ANKRD30A: variants seen among roughly 807,000 people sequenced by gnomAD.
ANKRD30A encodes ankyrin repeat domain 30A, also known as ankyrin repeat domain-containing protein 30A.
A neutral mutation model predicts 166.3 loss-of-function variants in ANKRD30A; 170 were observed. The observed-to-expected ratio is 1.02, with a 90% CI of 0.90 to 1.16. The LOEUF is 1.16. Ranked by LOEUF, ANKRD30A falls within the 50% of genes most tolerant of loss-of-function variation. ANKRD30A has a pLI of 0.00. For missense variants in ANKRD30A, 1,630 were observed against 1,518.0 expected, an observed-to-expected ratio of 1.07 and a Z score of -1.23; for synonymous variants, 564 against 508.9, an observed-to-expected ratio of 1.11 and a Z score of -1.46.
At chr10:37,194,351 G>C (rs1436317892) in intron 27 of ANKRD30A, among the ~76,000 whole-genome samples, 1 of 151,302 alleles carries the variant, frequency 6.6e-6, no homozygotes, top group South Asian at 2.1e-4. Context: ...CAGTTTTTTT[G>C]TTTTGTTTTG....
Position 37,219,197 on chromosome 10 carries a change from C to A in ANKRD30A, c.3485C>A (p.Ser1162Tyr). The A allele has an allele frequency of 6.2e-7, 1 of 1,610,642 alleles. No homozygotes were observed. Among genetic ancestry groups the A allele is most frequent in the Non-Finnish European group, 8.5e-7 (1 of 1,177,632 alleles). Residue 1162 changes from serine (S) to tyrosine (Y), a missense_variant, in exon 34 of 36, where the codon TCT becomes TAT. Around this residue, in one of 4 missense-constraint regions of ANKRD30A, gnomAD observed 712 missense variants for 629.3 expected, o/e 1.13. Transcript: ENST00000361713. The stretch of plus-strand genomic sequence containing the variant: ...GAGGAATCATTAACTAAAAGGGCAT[C>A]TCAATATAGTGGGCAGCTTAAAGTT... ...LKEESLTKRA[S>Y]QYSGQLKVLI... is the part of the protein sequence containing the mutation.
At chr10:37,221,928 T>C (rs1006679542) in intron 34 of ANKRD30A, among the ~76,000 whole-genome samples, 1 of 151,404 alleles carries the variant, frequency 6.6e-6, no homozygotes, top group Non-Finnish European at 1.5e-5. Flanking sequence ...TAGGTTAATA[T>C]ACACAGTATT....
chr10:37,141,860 G>A lies in ANKRD30A; in HGVS notation c.963G>A (p.Val321=), dbSNP rs2132533067. The change falls in exon 7 of 36, where the codon GTG becomes GTA. Residue 321 remains valine, a synonymous_variant. Coordinates refer to ENST00000361713, the MANE Select transcript of ANKRD30A (RefSeq NM_052997.3). ...CACCTGACACGGCTGAAAGCTTGGT[G>A]GAAAAAACACCTGATGAGGCTGCAT... ...ERTPDTAESL[V]EKTPDEAASL... is the part of the protein sequence containing the mutation. The A allele has an allele frequency of 1.2e-6, 2 of 1,614,020 alleles. No homozygotes were observed. Among genetic ancestry groups the A allele is most frequent in the East Asian group, 2.2e-5 (1 of 44,872 alleles).
Position 37,193,248 on chromosome 10 carries a change from T to C in ANKRD30A, c.2604T>C (p.Thr868=). 1 of 1,609,264 alleles carries C rather than the reference T, an allele frequency of 6.2e-7. No individual in the cohort carries two copies. Among genetic ancestry groups the C allele is most frequent in the Non-Finnish European group, 8.5e-7 (1 of 1,178,440 alleles). Residue 868 remains threonine (T), a synonymous_variant, in exon 27 of 36, where the codon ACT becomes ACC. Coordinates refer to ENST00000361713, the MANE Select transcript of ANKRD30A (RefSeq NM_052997.3). ...TKALELMDMQ[T]FKAEPPEKPS... is the part of the protein sequence containing the mutation. Reference sequence around the variant, plus strand: ...CCTTAGAATTGATGGACATGCAAACTTTCAAAGCAGGTAAATTTTGTAATT... The same window carrying C: ...CCTTAGAATTGATGGACATGCAAACCTTCAAAGCAGGTAAATTTTGTAATT...
At chr10:37,261,017 GCA>G in the ANKRD30A span, among the ~76,000 whole-genome samples, 4 of 151,784 alleles carry the variant, frequency 2.6e-5, no homozygotes, top group Non-Finnish European at 5.9e-5. Flanking sequence ...TAACAAACTT[GCA>G]CTTTACCCCC....
intron 31 of ANKRD30A, among the ~76,000 whole-genome samples, chr10:37,206,718 C>T (rs981969126): frequency 2.6e-5 from 4 of 152,008 alleles, no homozygotes; most frequent in African/African-American, 9.7e-5. Flanking sequence ...TGCTTGAACC[C>T]AGGGGGCAGA....
intron 25 of ANKRD30A, among the ~76,000 whole-genome samples, chr10:37,192,168 C>G (rs376357954): frequency 1.6e-4 from 24 of 152,076 alleles, no homozygotes; most frequent in African/African-American, 5.6e-4. Flanking sequence ...ACCCAAGTAG[C>G]TGAGATTACA....
chr10:37,264,617 GC>G, the ANKRD30A span: 1 of 334,514 alleles, frequency 3.0e-6, no homozygotes. Flanking sequence ...CATTCTCATT[GC>G]CCCAAATATG....
At chr10:37,250,301 G>T in the ANKRD30A span, among the ~76,000 whole-genome samples, 16 of 152,032 alleles carry the variant, frequency 1.1e-4, no homozygotes, top group Non-Finnish European at 2.2e-4. Flanking sequence ...AGATGAGTAG[G>T]GGGTGGCCAT....
chr10:37,259,130 C>A, the ANKRD30A span, among the ~76,000 whole-genome samples: 1 of 151,968 alleles, frequency 6.6e-6, no homozygotes, highest in African/African-American at 2.4e-5. Context: ...TTAAGAAAGT[C>A]ATGATTAAGA....
chr10:37,262,425 A>G, the ANKRD30A span: 3 of 154,024 alleles, frequency 1.9e-5, no homozygotes, highest in African/African-American at 7.2e-5. Context: ...TTTCTCATGG[A>G]AAGTGAAAAT....
chr10:37,255,735 A>G, the ANKRD30A span, among the ~76,000 whole-genome samples: 1 of 152,194 alleles, frequency 6.6e-6, no homozygotes, highest in Non-Finnish European at 1.5e-5. Flanking sequence ...TGGCCATCAT[A>G]TTGGACCTCA....
At chr10:37,238,900 G>A in the ANKRD30A span, among the ~76,000 whole-genome samples, 3 of 151,918 alleles carry the variant, frequency 2.0e-5, no homozygotes, top group Non-Finnish European at 4.4e-5. Context: ...AATTTACCAG[G>A]CATGTCTGTA....
At chr10:37,205,185 A>C (rs1841908240) in intron 31 of ANKRD30A, among the ~76,000 whole-genome samples, 1 of 152,170 alleles carries the variant, frequency 6.6e-6, no homozygotes, top group Admixed American at 6.5e-5. Flanking sequence ...AATAGCAAAG[A>C]CTTGGAACTA....
Position 37,217,689 on chromosome 10 carries a change from TG to T in ANKRD30A, c.3084-4del. The T allele has an allele frequency of 6.5e-7, 1 of 1,531,654 alleles. No individual in the cohort carries two copies. Among genetic ancestry groups the T allele is most frequent in the Non-Finnish European group, 8.7e-7 (1 of 1,143,024 alleles). 94.9% of individuals were successfully genotyped at this position (1,531,654 alleles called of 1,614,324 possible). ...TGAATTTTAAGATAAGTATGTTTAA[TG>T]GCAGATTGACTTTAAACCAAGAAGA... On this transcript the variant is annotated splice_polypyrimidine_tract_variant and splice_region_variant and intron_variant, in intron 32 of 35. Transcript: ENST00000361713.
intron 16 of ANKRD30A, 48 bp from the exon 17 acceptor site, chr10:37,162,728 G>T (rs1839026445): frequency 6.2e-7 from 1 of 1,612,824 alleles, no homozygotes; most frequent in African/African-American, 1.3e-5. Flanking sequence ...TATGTATTTT[G>T]TGAAGTATAC....
chr10:37,234,537 T>C (rs1304494522), downstream of ANKRD30A, among the ~76,000 whole-genome samples: 1 of 152,114 alleles, frequency 6.6e-6, no homozygotes, highest in Non-Finnish European at 1.5e-5. Flanking sequence ...TTGGTACATG[T>C]TTTTTAAATG....
At chr10:37,224,532 G>A (rs1843048915) in intron 34 of ANKRD30A, among the ~76,000 whole-genome samples, 1 of 150,636 alleles carries the variant, frequency 6.6e-6, no homozygotes, top group Non-Finnish European at 1.5e-5. Flanking sequence ...TAAAAAATAT[G>A]TATGACCTAA....
chr10:37,262,562 T>A, the ANKRD30A span: 47 of 156,620 alleles, frequency 3.0e-4, no homozygotes, highest in African/African-American at 1.1e-3. Flanking sequence ...TAGAATTGTT[T>A]CTCTATTCAG....
Sources: gnomAD v4.1 joint callset for allele counts (sites outside exome capture counted in the v4.1 genomes callset) on GRCh38, gnomAD v4.1.1 for gene constraint, gnomAD v4.1.1 regional missense constraint, MANE v1.5 for transcripts, NCBI Gene and HGNC (gene_info 2026-07-23, HGNC 2026-07-21) for gene names.